The following AGBL4 variants were observed in gnomAD, a reference collection of about 807,000 sequenced individuals.
AGBL4 encodes cytosolic carboxypeptidase 6.
In AGBL4, 58 loss-of-function variants were observed where a neutral mutation model predicts 66.4. The observed-to-expected ratio is 0.87, with a 90% CI of 0.71 to 1.09. The LOEUF (loss-of-function observed/expected upper bound fraction) is 1.09, where lower values mean the gene tolerates loss of function less well. Ranked by LOEUF, AGBL4 falls within the 50% of genes least tolerant of loss-of-function variation. The probability of loss-of-function intolerance (pLI) is 0.00; values close to 1 mark genes in which losing one functional copy is unlikely to be tolerated. For synonymous variants in AGBL4, 234 were observed against 222.9 expected (o/e 1.05, Z -0.44); for missense variants, 579 against 631.0 (o/e 0.92, Z 0.88).
intron 6 of AGBL4, among the ~76,000 whole-genome samples, chr1:48,694,600 T>C (rs1175254745): frequency 1.3e-5 from 2 of 152,140 alleles, no homozygotes; most frequent in Non-Finnish European, 2.9e-5. Context: ...TTTCTGAGAC[T>C]AACAGTTTTC....
rs1445356301 is a variant in AGBL4, at chr1:49,502,511, A to C, written c.282+194802T>G. ...GTTGAAAGAGTTTGGAGGGCTCAGA[A>C]GACAAAAAATTGGGGGAAATTTTGA... On this transcript the variant is annotated intron_variant, in intron 3 of 13. Coordinates refer to ENST00000371839, the MANE Select transcript of AGBL4 (RefSeq NM_032785.4). Among the ~76,000 whole-genome samples, 4 of 152,238 alleles carry C rather than the reference A, an allele frequency of 2.6e-5. No individual in the cohort carries two copies. In the East Asian group the frequency reaches 7.7e-4, roughly 29 times the overall value.
chr1:49,922,431 C>A (rs1425104767), intron 1 of AGBL4, among the ~76,000 whole-genome samples: 1 of 152,142 alleles, frequency 6.6e-6, no homozygotes, highest in Non-Finnish European at 1.5e-5. Flanking sequence ...TCCAATTCAA[C>A]ATCGTATTTG....
chr1:49,707,589 G>A (rs2124645999), intron 2 of AGBL4, among the ~76,000 whole-genome samples: 1 of 152,002 alleles, frequency 6.6e-6, no homozygotes, highest in Non-Finnish European at 1.5e-5. Context: ...TTTTGATCTT[G>A]TCATTATGAT....
intron 11 of AGBL4, among the ~76,000 whole-genome samples, chr1:48,570,190 G>A (rs2148314013): frequency 6.6e-6 from 1 of 152,350 alleles, no homozygotes; most frequent in East Asian, 1.9e-4. Context: ...TTTCAACAGA[G>A]CCCAGTAACT....
At chr1:49,893,083 A>G (rs576257835) in intron 1 of AGBL4, among the ~76,000 whole-genome samples, 166 of 152,320 alleles carry the variant, frequency 1.1e-3, no homozygotes, top group African/African-American at 3.7e-3. Context: ...CAGGTCCACC[A>G]AAGTGAAAGA....
At chr1:48,897,120 T>C (rs1187443762) in intron 5 of AGBL4, among the ~76,000 whole-genome samples, 2 of 152,202 alleles carry the variant, frequency 1.3e-5, no homozygotes, top group Non-Finnish European at 2.9e-5. Context: ...TATATCCTTT[T>C]TCCCCCTTCA....
chr1:49,044,277 C>T lies in AGBL4; in HGVS notation c.594+1307G>A, dbSNP rs138669655. 3.8e-3 allele frequency among the ~76,000 whole-genome samples: 583 copies of T among 152,094 alleles called. 3 individuals carry two copies. The highest frequency in any genetic ancestry group is 0.014 in the African/African-American group (572 of 41,500). The stretch of plus-strand genomic sequence containing the variant: ...CTTTGGGAGGCCGAGGCGGGTGGAT[C>T]GCCTGAGGTCAGGAGTTTGAGACCA... On this transcript the variant is annotated intron_variant, in intron 5 of 13. Transcript: ENST00000371839.
intron 5 of AGBL4, among the ~76,000 whole-genome samples, chr1:48,928,072 T>A (rs988239611): frequency 1.3e-5 from 2 of 152,166 alleles, no homozygotes; most frequent in African/African-American, 4.8e-5. Context: ...CATGAATTCA[T>A]CAGTGCTAAT....
At chr1:49,619,691 G>A (rs1309413091) in intron 3 of AGBL4, among the ~76,000 whole-genome samples, 1 of 152,004 alleles carries the variant, frequency 6.6e-6, no homozygotes, top group Non-Finnish European at 1.5e-5. Flanking sequence ...AAACAAAGCT[G>A]GAGGCATCAC....
intron 2 of AGBL4, among the ~76,000 whole-genome samples, chr1:49,833,032 C>T (rs1243528582): frequency 1.3e-5 from 2 of 151,822 alleles, no homozygotes; most frequent in East Asian, 3.9e-4. Context: ...CTTTTGTTGC[C>T]ATTGCTTTTG....
intron 4 of AGBL4, among the ~76,000 whole-genome samples, chr1:49,212,589 C>A (rs989569513): frequency 6.6e-6 from 1 of 152,110 alleles, no homozygotes; most frequent in African/African-American, 2.4e-5. Flanking sequence ...TTAAGGAAAA[C>A]CTTTAATTAT....
At chr1:48,920,283 T>C (rs921051214) in intron 5 of AGBL4, among the ~76,000 whole-genome samples, 2 of 152,186 alleles carry the variant, frequency 1.3e-5, no homozygotes, top group African/African-American at 4.8e-5. Flanking sequence ...GTGGGGACTG[T>C]AGTTTCACCA....
chr1:49,564,192 TTC>T, intron 3 of AGBL4, among the ~76,000 whole-genome samples: 1 of 152,272 alleles, frequency 6.6e-6, no homozygotes, highest in Middle Eastern at 3.4e-3. Flanking sequence ...TATTTGATTA[TTC>T]TCTCTTTTCT....
At chr1:48,618,610 A>G (rs979117177) in intron 9 of AGBL4, among the ~76,000 whole-genome samples, 2 of 152,228 alleles carry the variant, frequency 1.3e-5, no homozygotes, top group African/African-American at 4.8e-5. Context: ...GAATTACATT[A>G]TTAATCCAAG....
chr1:49,758,957 TC>T (rs1652104721), intron 2 of AGBL4, among the ~76,000 whole-genome samples: 1 of 152,130 alleles, frequency 6.6e-6, no homozygotes, highest in South Asian at 2.1e-4. Flanking sequence ...TCCCCAGGTG[TC>T]AAGGGAGGGT....
At chr1:49,632,058 A>C (rs1361313569) in intron 3 of AGBL4, among the ~76,000 whole-genome samples, 1 of 152,198 alleles carries the variant, frequency 6.6e-6, no homozygotes, top group Non-Finnish European at 1.5e-5. Flanking sequence ...ACATATGTGC[A>C]GCACTTAGAA....
chr1:49,411,506 G>A (rs1645314370), intron 3 of AGBL4, among the ~76,000 whole-genome samples: 1 of 152,116 alleles, frequency 6.6e-6, no homozygotes, highest in Non-Finnish European at 1.5e-5. Context: ...CAATCAAGTT[G>A]AAACTTAATA....
intron 1 of AGBL4, among the ~76,000 whole-genome samples, chr1:49,972,020 C>T (rs1451368348): frequency 6.8e-6 from 1 of 147,744 alleles, no homozygotes; most frequent in African/African-American, 2.5e-5. Flanking sequence ...TACGTTCACG[C>T]CATTCTCCTG....
At chr1:49,732,048 G>A (rs977248649) in intron 2 of AGBL4, among the ~76,000 whole-genome samples, 3 of 152,176 alleles carry the variant, frequency 2.0e-5, no homozygotes, top group Non-Finnish European at 4.4e-5. Context: ...TTCTGCCATG[G>A]TTGAAGAGGT....
Sources: allele counts gnomAD v4.1 joint callset (sites outside exome capture counted in the v4.1 genomes callset), GRCh38; gene constraint gnomAD v4.1.1; transcripts MANE v1.5; gene names NCBI Gene and HGNC (gene_info 2026-07-23, HGNC 2026-07-21).